SRP19: variants seen among roughly 807,000 people sequenced by gnomAD.
SRP19 encodes the protein signal recognition particle 19.
SRP19 carries 11 observed loss-of-function variants against 22.4 expected under a neutral mutation model. The ratio of observed to expected loss-of-function variants is 0.49; its 90% CI spans 0.31 to 0.81. The LOEUF (loss-of-function observed/expected upper bound fraction) is 0.81. Ranked by LOEUF, SRP19 falls within the 40% of genes least tolerant of loss-of-function variation. SRP19 has a pLI of 0.05. For missense variants in SRP19, 168 were observed against 175.9 expected (o/e 0.96, Z 0.25); for synonymous variants, 61 against 57.6 (o/e 1.06, Z -0.27).
Position 112,867,411 on chromosome 5 carries a change from A to G in SRP19, c.309A>G (p.Ser103=), listed in dbSNP as rs1767642043. Residue 103 remains serine (S), a synonymous_variant, in exon 5 of 5, where the codon TCA becomes TCG. Transcript: ENST00000505459. ...CTAACTTCTGGTTCCTAGGTAAGTC[A>G]GTAATGTTGTATGCAGCAGAAATGA... ...LCLVQFPSRK[S]VMLYAAEMIP... is the part of the protein sequence containing the mutation. 6.2e-7 allele frequency: 1 copy of G among 1,611,872 alleles called. No individual in the cohort carries two copies. Among genetic ancestry groups the G allele is most frequent in the African/African-American group, 1.3e-5 (1 of 74,906 alleles).
chr5:112,892,643 A>G (rs781550372), exon 5 of SRP19: 1 of 1,614,034 alleles, frequency 6.2e-7, no homozygotes, highest in Non-Finnish European at 8.5e-7. Flanking sequence ...AACTTTCTTC[A>G]TGTGTTCAGA....
intron 4 of SRP19, 108 bp downstream of exon 4, chr5:112,864,840 ATTAAT>A (rs1338665599): frequency 3.7e-6 from 3 of 811,968 alleles, no homozygotes; most frequent in Admixed American, 2.6e-5. Flanking sequence ...CATTCTGAAG[ATTAAT>A]TTAAAGACAG....
chr5:112,869,749 G>C lies in SRP19; in HGVS notation c.*2212G>C, dbSNP rs1229266405. 1 of 152,146 alleles carries C rather than the reference G, an allele frequency of 6.6e-6. No individual in the cohort carries two copies. The highest frequency in any genetic ancestry group is 1.5e-5 in the Non-Finnish European group (1 of 68,048). 9.4% of individuals were successfully genotyped at this position (152,146 alleles called of 1,614,324 possible). On this transcript the variant is annotated 3_prime_UTR_variant, in exon 5 of 5. Transcript: ENST00000505459. ...CTCAGGAGATCTGTTGGTTTTATAA[G>C]TGCCTGGCGTTTCCCCTGCTTGCAG...
rs929167783 is a variant in SRP19, at chr5:112,867,901, A to T, written c.*364A>T. On this transcript the variant is annotated 3_prime_UTR_variant, in exon 5 of 5. Coordinates refer to ENST00000505459, the MANE Select transcript of SRP19 (RefSeq NM_003135.3). ...TTTTAAGTTAATGAAATAAAATTTG[A>T]AACTGACTTTTGCAGCTTTTGCTTA... is the stretch of plus-strand genomic sequence containing the variant. 613 of 991,556 alleles carry T rather than the reference A, an allele frequency of 6.2e-4. 1 individual carries two copies. Among genetic ancestry groups the T allele is most frequent in the Non-Finnish European group, 7.1e-4 (594 of 833,042 alleles). 61.4% of individuals were successfully genotyped at this position (991,556 alleles called of 1,614,324 possible).
At chr5:112,883,774 T>TCCTCCCACCCACCACAA (rs1768147099) in intron 4 of SRP19, among the ~76,000 whole-genome samples, 1 of 151,966 alleles carries the variant, frequency 6.6e-6, no homozygotes, top group African/African-American at 2.4e-5. Context: ...AAATTCCATA[T>TCCTCCCACCCACCACAA]CCTCCCACCC....
intron 4 of SRP19, among the ~76,000 whole-genome samples, chr5:112,883,480 T>C (rs962342020): frequency 1.3e-5 from 2 of 152,172 alleles, no homozygotes; most frequent in East Asian, 1.9e-4. Flanking sequence ...GCTACCTCAA[T>C]TGGCCACTCC....
downstream of SRP19, among the ~76,000 whole-genome samples, chr5:112,870,353 A>G (rs1172094256): frequency 6.6e-6 from 1 of 152,150 alleles, no homozygotes; most frequent in African/African-American, 2.4e-5. Flanking sequence ...ATGGTGGCAC[A>G]TGCCTATAGT....
intron 4 of SRP19, among the ~76,000 whole-genome samples, chr5:112,889,217 C>T (rs1358323125): frequency 6.7e-6 from 1 of 149,468 alleles, no homozygotes; most frequent in Non-Finnish European, 1.5e-5. Flanking sequence ...TCCTGGGCAA[C>T]AGAGCAAGAG....
chr5:112,871,468 T>C (rs1288148482), downstream of SRP19, among the ~76,000 whole-genome samples: 1 of 151,858 alleles, frequency 6.6e-6, no homozygotes, highest in African/African-American at 2.4e-5. Context: ...AAATTTTTTT[T>C]TAGAGGCCAG....
At chr5:112,878,861 AAAATATATC>A in intron 4 of SRP19, 1 of 1,613,886 alleles carries the variant, frequency 6.2e-7, no homozygotes, top group Non-Finnish European at 8.5e-7. Flanking sequence ...GAGGGAAAGA[AAAATATATC>A]AAAGCTCTTT....
At chr5:112,891,560 G>C in intron 4 of SRP19, 1 of 1,542,540 alleles carries the variant, frequency 6.5e-7, no homozygotes, top group Non-Finnish European at 8.8e-7. Flanking sequence ...TAGAATCACT[G>C]ACAGTGGCAG....
Position 112,877,123 on chromosome 5 carries a change from T to A in SRP19, c.301+12391T>A, listed in dbSNP as rs371103139. ...ACAATTTTGTTTGCTTTCTACAAAG[T>A]TTTAAGTTTAATAAAATGCCGGTAA... On this transcript the variant is annotated intron_variant, in intron 4 of 4. Coordinates refer to the SRP19 transcript ENST00000391338. 5.9e-5 allele frequency: 9 copies of A among 152,284 alleles called. No individual in the cohort carries two copies. The South Asian group carries it at 1.0e-3, about 18-fold the overall frequency. 9.4% of individuals were successfully genotyped at this position (152,284 alleles called of 1,614,324 possible). A position where few individuals can be genotyped will look rare whatever the true frequency, so the allele number is the denominator to read the frequency against.
chr5:112,871,929 G>A (rs572494721), downstream of SRP19, among the ~76,000 whole-genome samples: 39 of 152,264 alleles, frequency 2.6e-4, no homozygotes, highest in Admixed American at 4.6e-4. Flanking sequence ...AGTGCTTTTC[G>A]TATTTATGAA....
chr5:112,865,386 A>C (rs944694923), intron 4 of SRP19, among the ~76,000 whole-genome samples: 1 of 152,198 alleles, frequency 6.6e-6, no homozygotes. Flanking sequence ...AACAATAGCA[A>C]AACGACATCA....
chr5:112,870,144 A>G (rs1281258655), downstream of SRP19, among the ~76,000 whole-genome samples: 9 of 152,198 alleles, frequency 5.9e-5, no homozygotes, highest in Non-Finnish European at 1.3e-4. Flanking sequence ...ATGACTGCAT[A>G]GCTTTTTCAG....
intron 4 of SRP19, among the ~76,000 whole-genome samples, chr5:112,889,334 A>C (rs1182034283): frequency 1.3e-5 from 2 of 150,854 alleles, no homozygotes; most frequent in Non-Finnish European, 2.9e-5. Context: ...ACAAAACCAA[A>C]TAGGAACACT....
At chr5:112,881,604 G>A (rs1768077038) in intron 4 of SRP19, among the ~76,000 whole-genome samples, 1 of 152,066 alleles carries the variant, frequency 6.6e-6, no homozygotes, top group South Asian at 2.1e-4. Flanking sequence ...GGATCTGGTA[G>A]GTGTTGTTTT....
At chr5:112,874,975 C>T (rs1451472205) in intron 4 of SRP19, among the ~76,000 whole-genome samples, 2 of 152,078 alleles carry the variant, frequency 1.3e-5, no homozygotes, top group African/African-American at 2.4e-5. Context: ...AGGGTTTCAC[C>T]ATGTTGGCCA....
In SRP19 at chr5:112,862,519, T is replaced by C. The variant is rs1767443162; in HGVS notation, c.53T>C (p.Ile18Thr). 1 of 1,613,604 alleles carries C rather than the reference T, an allele frequency of 6.2e-7. No individual in the cohort carries two copies. The highest frequency in any genetic ancestry group is 8.5e-7 in the Non-Finnish European group (1 of 1,179,726). Residue 18 changes from isoleucine (I) to threonine (T), a missense_variant, in exon 2 of 5, where the codon ATC (isoleucine) becomes ACC (threonine). By Grantham distance (89) the Ile-to-Thr change is moderately conservative. Transcript: ENST00000505459. Reference protein sequence around the residue: ...SPADQDRFICIYPAYLNNKKT... With the variant: ...SPADQDRFICTYPAYLNNKKT... ...ATTGTCTATGGCAGGTTTATTTGTATCTATCCTGCTTATTTAAATAATAAG... is the reference window on the plus strand; with the variant it reads ...ATTGTCTATGGCAGGTTTATTTGTACCTATCCTGCTTATTTAAATAATAAG...
Sources: allele counts gnomAD v4.1 joint callset (sites outside exome capture counted in the v4.1 genomes callset), GRCh38; gene constraint gnomAD v4.1.1; transcripts MANE v1.5; gene names NCBI Gene and HGNC (gene_info 2026-07-23, HGNC 2026-07-21).